Variants in HEXA observed in about 807,000 individuals in gnomAD.
HEXA encodes beta-hexosaminidase subunit alpha.
HEXA carries 54 observed loss-of-function variants against 73.3 expected under a neutral mutation model. The observed-to-expected ratio is 0.74, with a 90% CI of 0.59 to 0.92. HEXA has a LOEUF of 0.92. Among genes scored for constraint, HEXA ranks in the 40% least tolerant of loss-of-function variants. The pLI is 0.00. For missense variants in HEXA, 649 were observed against 653.0 expected, an observed-to-expected ratio of 0.99 and a Z score of 0.07; for synonymous variants, 230 against 246.9, an observed-to-expected ratio of 0.93 and a Z score of 0.64.
intron 10 of HEXA, among the ~76,000 whole-genome samples, 200 bp downstream of exon 10, chr15:72,347,486 G>A (rs1268918889): frequency 1.3e-5 from 2 of 151,970 alleles, no homozygotes; most frequent in East Asian, 3.9e-4. Flanking sequence ...CCCTGCCTTG[G>A]CCTACCAAAG....
chr15:72,353,506 A>G (rs2088730244), intron 4 of HEXA, among the ~76,000 whole-genome samples, 185 bp downstream of exon 4: 1 of 152,236 alleles, frequency 6.6e-6, no homozygotes. Context: ...GGACCAAATT[A>G]CAGTGATTCC....
At chr15:72,347,839 TG>T in intron 9 of HEXA, 81 bp from the exon 10 acceptor site, 1 of 1,362,398 alleles carries the variant, frequency 7.3e-7, no homozygotes. Context: ...CTCTAGGGGT[TG>T]AGCCTGGCCA....
intron 2 of HEXA, chr15:72,356,028 T>C (rs2088774220): frequency 4.4e-6 from 2 of 453,224 alleles, no homozygotes; most frequent in Admixed American, 2.5e-5. Flanking sequence ...GTAATCACCC[T>C]CCTTTCCCCT....
At chr15:72,371,591 GAAAAAAAAAAAAAA>G (rs11299619) in intron 1 of HEXA, among the ~76,000 whole-genome samples, 41 of 121,940 alleles carry the variant, frequency 3.4e-4, no homozygotes, top group Admixed American at 6.2e-4. Context: ...GTCTCTAAAA[GAAAAAAAAAAAAAA>G]AAAAAAAAGA....
chr15:72,353,756 G>A lies in HEXA; in HGVS notation c.413-19C>T, dbSNP rs2088734265. On this transcript the variant is annotated intron_variant, in intron 3 of 13. Coordinates refer to ENST00000268097, the MANE Select transcript of HEXA (RefSeq NM_000520.6). Reference sequence around the variant, plus strand: ...TCCAGACCTAGGAAGATGTAGAGAGGCAGAGTAAAGACTCAGGGAGTGGAA... The same window carrying A: ...TCCAGACCTAGGAAGATGTAGAGAGACAGAGTAAAGACTCAGGGAGTGGAA... 1.3e-6 allele frequency: 2 copies of A among 1,586,450 alleles called. No homozygotes were observed. The highest frequency in any genetic ancestry group is 2.7e-5 in the African/African-American group (2 of 74,300).
intron 1 of HEXA, among the ~76,000 whole-genome samples, chr15:72,371,099 C>T (rs1481112182): frequency 1.3e-5 from 2 of 152,116 alleles, no homozygotes; most frequent in Non-Finnish European, 2.9e-5. Flanking sequence ...GAGAACTAAT[C>T]GGCCTTATTC....
intron 9 of HEXA, 108 bp downstream of exon 9, chr15:72,347,940 C>T: frequency 3.0e-6 from 3 of 984,006 alleles, no homozygotes; most frequent in African/African-American, 1.6e-5. Context: ...GACAAGGGAA[C>T]CCTGCAGGGA....
intron 1 of HEXA, chr15:72,360,449 T>C (rs1158353779): frequency 1.3e-5 from 2 of 152,320 alleles, no homozygotes; most frequent in African/African-American, 4.8e-5. Context: ...CTGACAAAAA[T>C]ATCTGCAACA....
chr15:72,346,442 A>G, intron 11 of HEXA, 85 bp downstream of exon 11: 2 of 1,531,002 alleles, frequency 1.3e-6, no homozygotes, highest in Admixed American at 3.3e-5. Context: ...ACTAACTGGA[A>G]ATGTCTGGCC....
rs759837903 is a variant in HEXA, at chr15:72,349,158, T to A, written c.907A>T (p.Thr303Ser). The A allele has an allele frequency of 1.2e-6, 2 of 1,613,800 alleles. No homozygotes were observed. The highest frequency in any genetic ancestry group is 2.2e-5 in the East Asian group (1 of 44,888). ...SLNNTYEFMSTFFLEVSSVFP... is the reference protein window; with the variant it reads ...SLNNTYEFMSSFFLEVSSVFP... ...ACAGAGCTGACTTCTAAGAAGAATG[T>A]GCTCATGAACTCATAGGTATTATTG... The change falls in exon 8 of 14, where the codon ACA (threonine) becomes TCA (serine). Residue 303 changes from threonine to serine, a missense_variant. Physicochemically the swap from Thr to Ser is moderately conservative, Grantham distance 58 (BLOSUM62 1). Transcript: ENST00000268097.
intron 13 of HEXA, chr15:72,345,187 C>T (rs775654868): frequency 7.1e-5 from 37 of 521,692 alleles, no homozygotes; most frequent in Non-Finnish European, 1.2e-4. Flanking sequence ...TTGAAATGAT[C>T]TTAGATTACT....
At chr15:72,346,502 A>G in intron 11 of HEXA, 25 bp downstream of exon 11, 1 of 1,606,884 alleles carries the variant, frequency 6.2e-7, no homozygotes, top group Non-Finnish European at 8.5e-7. Context: ...TCCTTTGGTT[A>G]GCAAGGAGAG....
Position 72,347,990 on chromosome 15 carries a change from G to C in HEXA, c.1073+58C>G. ...AGCAGGGCCTGACTCGGTATGGAAA[G>C]GGAGGACCCCACAGGAGGACCCCCA... On this transcript the variant is annotated intron_variant, in intron 9 of 13. Coordinates refer to ENST00000268097, the MANE Select transcript of HEXA (RefSeq NM_000520.6). The C allele has an allele frequency of 2.4e-5, 29 of 1,228,442 alleles. 1 individual carries two copies. Among genetic ancestry groups the C allele is most frequent in the Non-Finnish European group, 3.4e-5 (28 of 832,648 alleles). The allele number at this position is 1,228,442 out of a possible 1,614,324, so 76.1% of individuals were successfully genotyped here.
Position 72,346,545 on chromosome 15 carries a change from C to A in HEXA, c.1312G>T (p.Glu438Ter). The change falls in exon 11 of 14, where the codon GAA becomes TAA. Residue 438 changes from glutamate to a stop codon, truncating the protein, a stop_gained. Coordinates refer to ENST00000268097, the MANE Select transcript of HEXA (RefSeq NM_000520.6). LOFTEE classifies it high-confidence loss of function. ...GPDWKDFYIVEPLAFEGTPEQ... is the reference protein window; with the variant it reads ...GPDWKDFYIV ...CTTTCACCTTCAAATGCCAGGGGTT[C>A]CACTATGTAGAAATCCTTCCAGTCA... 1 of 1,613,994 alleles carries A rather than the reference C, an allele frequency of 6.2e-7. No homozygotes were observed. The highest frequency in any genetic ancestry group is 8.5e-7 in the Non-Finnish European group (1 of 1,179,928).
At chr15:72,349,380 T>C in intron 7 of HEXA, 121 bp from the exon 8 acceptor site, 1 of 807,724 alleles carries the variant, frequency 1.2e-6, no homozygotes, top group Admixed American at 1.9e-5. Flanking sequence ...ATCACACACA[T>C]TTAGGTAGGC....
Position 72,343,856 on chromosome 15 carries a change from C to CA in HEXA, c.*220_*221insT. On this transcript the variant is annotated 3_prime_UTR_variant, in exon 14 of 14. Transcript: ENST00000268097. The stretch of plus-strand genomic sequence containing the variant: ...TGCCCTTACCCTAACGCCATTCACA[C>CA]TTTTTTTTTTAAACACAGGTAATCC... 1 of 462,096 alleles carries CA rather than the reference C, an allele frequency of 2.2e-6. No individual in the cohort carries two copies. Among genetic ancestry groups the CA allele is most frequent in the Non-Finnish European group, 4.0e-6 (1 of 252,368 alleles). The allele number at this position is 462,096 out of a possible 1,614,324, so 28.6% of individuals were successfully genotyped here.
rs764291005 is a variant in HEXA at position 72,347,729 on chromosome 15, T to C, written c.1103A>G (p.Lys368Arg). Residue 368 changes from lysine (K) to arginine (R), a missense_variant, in exon 10 of 14, where the codon AAG (lysine) becomes AGG (arginine). By Grantham distance (26) the Lys-to-Arg change is conservative. Coordinates refer to ENST00000268097, the MANE Select transcript of HEXA (RefSeq NM_000520.6). ...CACCTCCTGCCACACCACATAGCCC[T>C]TGCCATAAGAAGAGACGATGTCCAG... is the stretch of plus-strand genomic sequence containing the variant. ...TLLDIVSSYG[K>R]GYVVWQEVFD... The C allele has an allele frequency of 3.7e-6, 6 of 1,614,072 alleles. No individual in the cohort carries two copies. The African/African-American group carries it at 5.3e-5, about 14-fold the overall frequency.
At position 72,341,121 on chromosome 15, in the gene HEXA, G is replaced by C. The variant is rs758554832; in HGVS notation, c.*2956C>G. Reference sequence around the variant, plus strand: ...ACAAATCTAGAATTTAGAGTGCTAGGAATGTTGCCATAAGGTATGTGTACC... The same window carrying C: ...ACAAATCTAGAATTTAGAGTGCTAGCAATGTTGCCATAAGGTATGTGTACC... On this transcript the variant is annotated 3_prime_UTR_variant, in exon 14 of 14. Coordinates refer to ENST00000268097, the MANE Select transcript of HEXA (RefSeq NM_000520.6). 1.3e-5 allele frequency: 2 copies of C among 152,008 alleles called. No homozygotes were observed. Among genetic ancestry groups the C allele is most frequent in the African/African-American group, 4.8e-5 (2 of 41,364 alleles). 9.4% of individuals were successfully genotyped at this position (152,008 alleles called of 1,614,324 possible). A position where few individuals can be genotyped will look rare whatever the true frequency, so the allele number is the denominator to read the frequency against.
intron 5 of HEXA, among the ~76,000 whole-genome samples, chr15:72,352,412 G>A (rs1463998612): frequency 6.7e-6 from 1 of 150,244 alleles, no homozygotes; most frequent in Non-Finnish European, 1.5e-5. Flanking sequence ...GACCAGCCTG[G>A]GTAACATGAC....
Sources: allele counts gnomAD v4.1 joint callset (sites outside exome capture counted in the v4.1 genomes callset), GRCh38; gene constraint gnomAD v4.1.1; transcripts MANE v1.5; gene names NCBI Gene and HGNC (gene_info 2026-07-23, HGNC 2026-07-21).